Variants in PRKN observed in about 807,000 individuals in gnomAD.
The protein encoded by PRKN is E3 ubiquitin-protein ligase parkin.
Under a neutral mutation model 59.5 loss-of-function variants are expected in PRKN, and 56 were observed. The observed-to-expected ratio is 0.94, with a 90% confidence interval of 0.76 to 1.18. PRKN has a LOEUF of 1.18. Ranked by LOEUF, PRKN falls within the 50% of genes most tolerant of loss-of-function variation. The pLI, the probability that PRKN is intolerant of heterozygous loss-of-function variation, is 0.00. For synonymous variants in PRKN, 250 were observed against 222.1 expected, an observed-to-expected ratio of 1.13 and a Z score of -1.12; for missense variants, 657 against 596.4, an observed-to-expected ratio of 1.10 and a Z score of -1.06.
intron 7 of PRKN, among the ~76,000 whole-genome samples, chr6:161,718,374 G>A (rs550562805): frequency 7.4e-6 from 1 of 135,584 alleles, no homozygotes; most frequent in Admixed American, 6.7e-5. Flanking sequence ...TTTCCCTACT[G>A]AGACTGATCC....
chr6:162,131,512 G>A (rs1011390461), intron 4 of PRKN, among the ~76,000 whole-genome samples: 1 of 152,108 alleles, frequency 6.6e-6, no homozygotes, highest in Non-Finnish European at 1.5e-5. Flanking sequence ...AAGGGGTTTG[G>A]GACTGAATTA....
chr6:162,267,233 C>G (rs1203403085), intron 2 of PRKN: 1 of 152,052 alleles, frequency 6.6e-6, no homozygotes, highest in Non-Finnish European at 1.5e-5. Flanking sequence ...TTTCTGAAAT[C>G]ATTAATTGCT....
rs1036204101 is a variant in PRKN, at chr6:162,727,735, C to G, written c.-67G>C. ...ATGCGCGCAGCGGCGCCAGCCGCGC[C>G]TCCCACCAGCGGCTCTCCTGGGTTA... On this transcript the variant is annotated 5_prime_UTR_variant, in exon 1 of 12. Coordinates refer to ENST00000366898, the MANE Select transcript of PRKN (RefSeq NM_004562.3). 4.7e-6 allele frequency: 7 copies of G among 1,505,318 alleles called. No homozygotes were observed. Among genetic ancestry groups the G allele is most frequent in the South Asian group, 1.2e-5 (1 of 83,144 alleles). 93.2% of individuals were successfully genotyped at this position (1,505,318 alleles called of 1,614,324 possible).
intron 6 of PRKN, among the ~76,000 whole-genome samples, chr6:161,802,857 T>A (rs6941641): frequency 1.3e-5 from 2 of 152,192 alleles, no homozygotes. Context: ...ATCCAGTTGA[T>A]GGTGAGCTGA....
At chr6:161,936,162 G>T (rs544161669) in intron 6 of PRKN, among the ~76,000 whole-genome samples, 2 of 151,952 alleles carry the variant, frequency 1.3e-5, no homozygotes, top group Non-Finnish European at 2.9e-5. Context: ...AGGTGGAAGT[G>T]GTCGTCAGGC....
intron 7 of PRKN, among the ~76,000 whole-genome samples, chr6:161,577,661 C>T (rs9295156): frequency 0.53 from 81,322 of 152,012 alleles, 22,459 homozygotes; most frequent in East Asian, 0.69. Flanking sequence ...CCAGAAGATG[C>T]GAAGTATCTT....
intron 2 of PRKN, among the ~76,000 whole-genome samples, chr6:162,443,058 C>A (rs911657439): frequency 6.6e-6 from 1 of 152,186 alleles, no homozygotes; most frequent in Admixed American, 6.5e-5. Flanking sequence ...CATTTATTCA[C>A]TAAGCCTAGC....
intron 1 of PRKN, among the ~76,000 whole-genome samples, chr6:162,564,265 A>C (rs1779969017): frequency 6.6e-6 from 1 of 152,080 alleles, no homozygotes; most frequent in Non-Finnish European, 1.5e-5. Flanking sequence ...GAATCGCTTG[A>C]ATCAGGGAGG....
At chr6:162,192,303 C>T (rs769469920) in intron 4 of PRKN, among the ~76,000 whole-genome samples, 12 of 151,998 alleles carry the variant, frequency 7.9e-5, no homozygotes, top group African/African-American at 1.9e-4. Context: ...GTAATACTGG[C>T]TTGGTGTACC....
At chr6:161,723,839 C>A (rs1334863200) in intron 7 of PRKN, among the ~76,000 whole-genome samples, 1 of 152,152 alleles carries the variant, frequency 6.6e-6, no homozygotes, top group Admixed American at 6.5e-5. Flanking sequence ...GTGGATGCTT[C>A]CCTCAAGCTG....
intron 5 of PRKN, among the ~76,000 whole-genome samples, chr6:162,014,643 C>T (rs1440312976): frequency 1.3e-5 from 2 of 152,148 alleles, no homozygotes; most frequent in African/African-American, 4.8e-5. Flanking sequence ...ACTCCCTATA[C>T]ACTGCAGTGA....
At chr6:162,469,356 G>A (rs1338942412) in intron 1 of PRKN, among the ~76,000 whole-genome samples, 1 of 139,482 alleles carries the variant, frequency 7.2e-6, no homozygotes, top group African/African-American at 2.6e-5. Flanking sequence ...TTGCAGGGGG[G>A]GGTGGGTGAC....
intron 1 of PRKN, among the ~76,000 whole-genome samples, chr6:162,591,903 A>C (rs1261340533): frequency 5.3e-5 from 8 of 152,230 alleles, no homozygotes; most frequent in Admixed American, 5.2e-4. Flanking sequence ...AAAAAAAAAA[A>C]AAGGCATGTT....
intron 6 of PRKN, among the ~76,000 whole-genome samples, chr6:161,833,797 A>G (rs1177341609): frequency 6.6e-6 from 1 of 152,208 alleles, no homozygotes; most frequent in Non-Finnish European, 1.5e-5. Context: ...GTATGTGGGA[A>G]GCAGCACTCC....
At chr6:162,544,751 C>T (rs1779053881) in intron 1 of PRKN, among the ~76,000 whole-genome samples, 1 of 142,960 alleles carries the variant, frequency 7.0e-6, no homozygotes, top group Non-Finnish European at 1.5e-5. Flanking sequence ...GATGTCGACT[C>T]ACGGCAACCT....
At chr6:162,367,359 T>A (rs184129680) in intron 2 of PRKN, among the ~76,000 whole-genome samples, 41 of 152,278 alleles carry the variant, frequency 2.7e-4, no homozygotes, top group African/African-American at 9.9e-4. Context: ...AATACACTGT[T>A]TTTTCGCTTA....
intron 7 of PRKN, among the ~76,000 whole-genome samples, chr6:161,778,210 A>C (rs1416907076): frequency 6.6e-6 from 1 of 152,108 alleles, no homozygotes; most frequent in South Asian, 2.1e-4. Flanking sequence ...GAGTCATTCC[A>C]ATTTGTGGTG....
chr6:162,019,514 A>G (rs1248295054), intron 5 of PRKN, among the ~76,000 whole-genome samples: 2 of 152,186 alleles, frequency 1.3e-5, no homozygotes, highest in South Asian at 2.1e-4. Context: ...ATATACTGCA[A>G]TAACTTCCCC....
chr6:161,692,830 C>A (rs1562612341), intron 7 of PRKN, among the ~76,000 whole-genome samples: 2 of 152,000 alleles, frequency 1.3e-5, no homozygotes, highest in African/African-American at 4.8e-5. Flanking sequence ...CACCTGTAAT[C>A]CCAGCTACTT....
Sources: allele counts gnomAD v4.1 joint callset (sites outside exome capture counted in the v4.1 genomes callset), GRCh38; gene constraint gnomAD v4.1.1; transcripts MANE v1.5; gene names NCBI Gene and HGNC (gene_info 2026-07-23, HGNC 2026-07-21).